Variants in TFEC observed in about 807,000 individuals in gnomAD.
The protein encoded by TFEC is class E basic helix-loop-helix protein 34.
In TFEC, 31 loss-of-function variants were observed where a neutral mutation model predicts 41.6. The ratio of observed to expected loss-of-function variants is 0.74; its 90% CI spans 0.56 to 1.01. The LOEUF is 1.01. Among genes scored for constraint, TFEC ranks in the 50% least tolerant of loss-of-function variants. TFEC has a pLI of 0.00. For synonymous variants in TFEC, 143 were observed against 140.6 expected (o/e 1.02, Z -0.12); for missense variants, 402 against 404.1 (o/e 0.99, Z 0.04).
rs991499554 is a variant in TFEC at position 115,939,581 on chromosome 7, G to A, written c.*970C>T. On this transcript the variant is annotated 3_prime_UTR_variant, in exon 8 of 8. Coordinates refer to ENST00000265440, the MANE Select transcript of TFEC (RefSeq NM_012252.4). ...CCAAATCAACAACTAATTGATTTCT[G>A]TCCAATACTGATGAAAAGTTTTAAG... The A allele has an allele frequency of 6.6e-6, 1 of 151,904 alleles. No individual in the cohort carries two copies. Among genetic ancestry groups the A allele is most frequent in the Admixed American group, 6.6e-5 (1 of 15,218 alleles). 9.4% of individuals were successfully genotyped at this position (151,904 alleles called of 1,614,324 possible).
rs1302051650 is a variant in TFEC, at chr7:115,939,272, G to T, written c.*1279C>A. On this transcript the variant is annotated 3_prime_UTR_variant, in exon 8 of 8. Coordinates refer to ENST00000265440, the MANE Select transcript of TFEC (RefSeq NM_012252.4). ...TGCCTCCATGAATACTCATTGATCG[G>T]ATGATCACTCTTGGAGGTCCAGCAC... 6.6e-6 allele frequency: 1 copy of T among 151,892 alleles called. No homozygotes were observed. Among genetic ancestry groups the T allele is most frequent in the African/African-American group, 2.4e-5 (1 of 41,352 alleles). The allele number at this position is 151,892 out of a possible 1,614,324, so 9.4% of individuals were successfully genotyped here.
chr7:116,078,090 A>C (rs1431565194), intron 3 of TFEC, among the ~76,000 whole-genome samples: 1 of 152,150 alleles, frequency 6.6e-6, no homozygotes, highest in Non-Finnish European at 1.5e-5. Context: ...CTCAGGCTGC[A>C]GTGGAATGAA....
At chr7:115,961,751 C>A (rs1212866364) in intron 3 of TFEC, among the ~76,000 whole-genome samples, 2 of 151,642 alleles carry the variant, frequency 1.3e-5, no homozygotes, top group African/African-American at 2.4e-5. Flanking sequence ...AGCTTAGGAG[C>A]AAGATAAGGA....
At chr7:115,983,112 A>G (rs1285887628) in intron 2 of TFEC, among the ~76,000 whole-genome samples, 1 of 152,054 alleles carries the variant, frequency 6.6e-6, no homozygotes, top group East Asian at 1.9e-4. Flanking sequence ...TTCATCTGAT[A>G]TATATTTTTA....
intron 1 of TFEC, among the ~76,000 whole-genome samples, chr7:116,028,384 G>A (rs929282946): frequency 3.9e-5 from 6 of 152,116 alleles, no homozygotes; most frequent in Non-Finnish European, 7.4e-5. Context: ...GAATATTTGC[G>A]TAAATTAGTT....
intron 1 of TFEC, among the ~76,000 whole-genome samples, chr7:115,988,071 T>C (rs1418633899): frequency 6.6e-6 from 1 of 152,138 alleles, no homozygotes; most frequent in Non-Finnish European, 1.5e-5. Context: ...CAAATTAACC[T>C]ATATAGAGAA....
At chr7:115,973,811 T>C (rs907697481) in intron 3 of TFEC, among the ~76,000 whole-genome samples, 3 of 152,058 alleles carry the variant, frequency 2.0e-5, no homozygotes, top group Non-Finnish European at 4.4e-5. Context: ...TTAGTCATGG[T>C]AAAATAGTCA....
Position 115,942,010 on chromosome 7 carries a change from T to A in TFEC, c.546A>T (p.Leu182=). Residue 182 remains leucine, a synonymous_variant, in exon 7 of 8, where the codon CTA becomes CTT. Coordinates refer to ENST00000265440, the MANE Select transcript of TFEC (RefSeq NM_012252.4). The stretch of plus-strand genomic sequence containing the variant: ...ACTTGATGTACTCCACTGATGCTTT[T>A]AGAATGGTTCCTTTGTTCCAGCGCA... ...PDMRWNKGTI[L]KASVEYIKWL... The A allele has an allele frequency of 6.2e-7, 1 of 1,612,926 alleles. No homozygotes were observed. Among genetic ancestry groups the A allele is most frequent in the African/African-American group, 1.3e-5 (1 of 74,946 alleles).
intron 1 of TFEC, among the ~76,000 whole-genome samples, chr7:116,155,026 C>T (rs1354682278): frequency 1.3e-5 from 2 of 152,222 alleles, no homozygotes; most frequent in African/African-American, 4.8e-5. Flanking sequence ...GTCACAAATA[C>T]ATTCTCAGTC....
At chr7:116,035,235 G>A (rs550301655), upstream of TFEC, among the ~76,000 whole-genome samples, 1 of 151,922 alleles carries the variant, frequency 6.6e-6, no homozygotes, top group East Asian at 1.9e-4. Flanking sequence ...ACTCATAAAT[G>A]TCTTCTCAAC....
At chr7:116,014,622 C>T (rs1215953934) in intron 1 of TFEC, among the ~76,000 whole-genome samples, 1 of 151,994 alleles carries the variant, frequency 6.6e-6, no homozygotes, top group Non-Finnish European at 1.5e-5. Flanking sequence ...ATAATACCTC[C>T]CCACCAAAGA....
upstream of TFEC, among the ~76,000 whole-genome samples, chr7:116,032,815 T>G (rs1028014138): frequency 1.6e-4 from 24 of 152,168 alleles, no homozygotes; most frequent in African/African-American, 2.4e-5. Flanking sequence ...AACCTGCACA[T>G]GTATCACTGA....
At chr7:116,096,563 T>C (rs1797465893) in intron 3 of TFEC, among the ~76,000 whole-genome samples, 1 of 152,026 alleles carries the variant, frequency 6.6e-6, no homozygotes, top group African/African-American at 2.4e-5. Flanking sequence ...CCATGACATA[T>C]GATACTGAGA....
At chr7:115,994,701 G>A (rs74821593) in intron 1 of TFEC, among the ~76,000 whole-genome samples, 129,421 of 152,058 alleles carry the variant, frequency 0.85, 55,212 homozygotes, top group Non-Finnish European at 0.89. Flanking sequence ...GAAACGACAG[G>A]TGCTGGAGAG....
At chr7:116,054,499 A>G (rs1375877290) in intron 3 of TFEC, among the ~76,000 whole-genome samples, 2 of 152,188 alleles carry the variant, frequency 1.3e-5, no homozygotes, top group Admixed American at 1.3e-4. Flanking sequence ...AGACAGAACT[A>G]GTTTTGAAGG....
chr7:116,049,376 A>G (rs1030617580), intron 3 of TFEC, among the ~76,000 whole-genome samples: 1 of 152,258 alleles, frequency 6.6e-6, no homozygotes, highest in African/African-American at 2.4e-5. Context: ...ATCAGAAGAG[A>G]CAAAGGAGGT....
At chr7:115,979,089 T>C (rs1793511241) in intron 2 of TFEC, among the ~76,000 whole-genome samples, 1 of 151,770 alleles carries the variant, frequency 6.6e-6, no homozygotes, top group Non-Finnish European at 1.5e-5. Context: ...TAAGGGAGAG[T>C]CTCACTTTCT....
At chr7:116,054,246 G>A (rs1796378778) in intron 3 of TFEC, among the ~76,000 whole-genome samples, 1 of 152,184 alleles carries the variant, frequency 6.6e-6, no homozygotes, top group South Asian at 2.1e-4. Context: ...AAGAATGAAT[G>A]TTGGAGTTGG....
intron 1 of TFEC, among the ~76,000 whole-genome samples, chr7:116,013,796 A>G (rs909295609): frequency 6.6e-6 from 1 of 152,158 alleles, no homozygotes; most frequent in African/African-American, 2.4e-5. Context: ...TTTCTGGTAG[A>G]AAAATCATTT....
Sources: gnomAD v4.1 joint callset for allele counts (sites outside exome capture counted in the v4.1 genomes callset) on GRCh38, gnomAD v4.1.1 for gene constraint, MANE v1.5 for transcripts, NCBI Gene and HGNC (gene_info 2026-07-23, HGNC 2026-07-21) for gene names.